The following L3MBTL4 variants were observed in gnomAD, a reference collection of about 807,000 sequenced individuals.
L3MBTL4 encodes lethal(3)malignant brain tumor-like protein 4.
L3MBTL4 carries 70 observed loss-of-function variants against 84.5 expected under a neutral mutation model. The ratio of observed to expected loss-of-function variants is 0.83; its 90% CI spans 0.68 to 1.01. L3MBTL4 has a LOEUF of 1.01. L3MBTL4 is among the 50% of genes least tolerant of loss of function. The pLI, the probability that L3MBTL4 is intolerant of heterozygous loss-of-function variation, is 0.00. For synonymous variants in L3MBTL4, 274 were observed against 259.8 expected (o/e 1.05, Z -0.52); for missense variants, 715 against 754.8 (o/e 0.95, Z 0.62).
intron 5 of L3MBTL4, among the ~76,000 whole-genome samples, chr18:6,245,588 CT>C (rs776011254): frequency 0.055 from 7,502 of 137,016 alleles, 562 homozygotes; most frequent in African/African-American, 0.18. Context: ...AGGTATTTTC[CT>C]TTTTTTTTTT....
rs747908314 is a variant in L3MBTL4, at chr18:6,311,610, T to C, written c.16A>G (p.Arg6Gly). MKQPNRKRKLNMDSKE... is the reference protein window; with the variant it reads MKQPNGKRKLNMDSKE... ...GAATCCATATTAAGCTTCCTTTTCC[T>C]GTTGGGCTGTTTCATTGCCACCCCC... Residue 6 changes from arginine (R) to glycine (G), a missense_variant, in exon 3 of 19, where the codon AGG (arginine) becomes GGG (glycine). Arg to Gly is a moderately radical substitution (Grantham distance 125). Transcript: ENST00000317931. 1 of 1,613,788 alleles carries C rather than the reference T, an allele frequency of 6.2e-7. No individual in the cohort carries two copies. Among genetic ancestry groups the C allele is most frequent in the Admixed American group, 1.7e-5 (1 of 60,016 alleles).
At chr18:6,413,396 T>C (rs1343229060) in intron 1 of L3MBTL4, among the ~76,000 whole-genome samples, 1 of 152,212 alleles carries the variant, frequency 6.6e-6, no homozygotes, top group Non-Finnish European at 1.5e-5. Flanking sequence ...CAAGTCAGTG[T>C]AGTCGAATCC....
intron 5 of L3MBTL4, among the ~76,000 whole-genome samples, chr18:6,246,643 C>G (rs148275968): frequency 1.3e-5 from 2 of 152,188 alleles, no homozygotes; most frequent in Non-Finnish European, 2.9e-5. Context: ...GTGGCTCATG[C>G]CTGTAATCCC....
At chr18:6,390,979 G>C (rs920518682) in intron 1 of L3MBTL4, among the ~76,000 whole-genome samples, 2 of 152,024 alleles carry the variant, frequency 1.3e-5, no homozygotes, top group Admixed American at 6.6e-5. Flanking sequence ...TAATTCATTT[G>C]ATGAAACCAG....
At chr18:6,247,123 G>A (rs2047698479) in intron 5 of L3MBTL4, among the ~76,000 whole-genome samples, 1 of 151,984 alleles carries the variant, frequency 6.6e-6, no homozygotes, top group Non-Finnish European at 1.5e-5. Flanking sequence ...CATTTTGAAG[G>A]CCCTTTACCC....
At chr18:6,078,439 C>CAAAAAAAAAAAAAAAAAAA in intron 16 of L3MBTL4, among the ~76,000 whole-genome samples, 1 of 43,770 alleles carries the variant, frequency 2.3e-5, no homozygotes, top group Non-Finnish European at 4.2e-5. Flanking sequence ...AAAAAAAAAA[C>CAAAAAAAAAAAAAAAAAAA]AAAAAAAAAA....
intron 16 of L3MBTL4, among the ~76,000 whole-genome samples, chr18:5,971,017 C>T (rs1477317412): frequency 1.3e-5 from 2 of 152,216 alleles, no homozygotes; most frequent in Non-Finnish European, 2.9e-5. Flanking sequence ...TCTTATGCTC[C>T]AGGTGCAAGC....
At chr18:6,145,412 C>A (rs1340601567) in intron 13 of L3MBTL4, among the ~76,000 whole-genome samples, 2 of 151,918 alleles carry the variant, frequency 1.3e-5, no homozygotes, top group Non-Finnish European at 2.9e-5. Flanking sequence ...ATAATGCTGA[C>A]CCTGAAGCAA....
chr18:6,050,161 T>C (rs1291222025), intron 16 of L3MBTL4, among the ~76,000 whole-genome samples: 5 of 152,138 alleles, frequency 3.3e-5, no homozygotes, highest in African/African-American at 1.2e-4. Flanking sequence ...TAAAGTGACA[T>C]AGTGACAATG....
intron 14 of L3MBTL4, among the ~76,000 whole-genome samples, chr18:6,134,693 T>C (rs1182468214): frequency 6.6e-6 from 1 of 152,256 alleles, no homozygotes; most frequent in Non-Finnish European, 1.5e-5. Flanking sequence ...GCCACGCTGA[T>C]GCAACAGGTG....
intron 1 of L3MBTL4, among the ~76,000 whole-genome samples, chr18:6,378,169 G>GT (rs1343988126): frequency 6.6e-6 from 1 of 152,052 alleles, no homozygotes; most frequent in Non-Finnish European, 1.5e-5. Flanking sequence ...GGGGTTGTTT[G>GT]TTTTTTTCTT....
intron 15 of L3MBTL4, among the ~76,000 whole-genome samples, chr18:6,090,077 G>A (rs775522155): frequency 9.2e-5 from 14 of 152,124 alleles, no homozygotes; most frequent in Non-Finnish European, 1.8e-4. Context: ...AAACTCAAGT[G>A]TAAGCTATTC....
At chr18:6,017,932 G>C (rs2055073304) in intron 16 of L3MBTL4, 1 of 152,258 alleles carries the variant, frequency 6.6e-6, no homozygotes, top group South Asian at 2.1e-4. Flanking sequence ...TGATTGTCTT[G>C]GAGTTGACTG....
At chr18:5,978,992 T>A (rs1164918952) in intron 16 of L3MBTL4, among the ~76,000 whole-genome samples, 1 of 152,186 alleles carries the variant, frequency 6.6e-6, no homozygotes, top group East Asian at 1.9e-4. Flanking sequence ...ATATTCTATT[T>A]GTTTTTGTAA....
At chr18:6,264,061 T>C in intron 4 of L3MBTL4, 23 bp from the exon 5 acceptor site, 1 of 1,542,552 alleles carries the variant, frequency 6.5e-7, no homozygotes, top group South Asian at 1.1e-5. Flanking sequence ...ACACAATGAC[T>C]TTTCTCAAAA....
At chr18:6,208,668 T>C (rs2045972373) in intron 12 of L3MBTL4, among the ~76,000 whole-genome samples, 1 of 152,230 alleles carries the variant, frequency 6.6e-6, no homozygotes, top group Admixed American at 6.5e-5. Context: ...TACTGTAATT[T>C]AATGTGCATT....
At chr18:6,161,819 T>C (rs916863205) in intron 13 of L3MBTL4, among the ~76,000 whole-genome samples, 1 of 152,148 alleles carries the variant, frequency 6.6e-6, no homozygotes, top group Admixed American at 6.6e-5. Flanking sequence ...TCATTTTTAC[T>C]CATCCATGGG....
At chr18:6,004,994 ATAATTTTT>A (rs2054396140) in intron 16 of L3MBTL4, among the ~76,000 whole-genome samples, 1 of 46,208 alleles carries the variant, frequency 2.2e-5, no homozygotes, top group African/African-American at 6.2e-5. Context: ...GGTTAAGATG[ATAATTTTT>A]TTTTTTTTTT....
chr18:6,182,388 C>T (rs1370136335), intron 12 of L3MBTL4, among the ~76,000 whole-genome samples: 1 of 152,078 alleles, frequency 6.6e-6, no homozygotes, highest in Non-Finnish European at 1.5e-5. Flanking sequence ...CATTTGCCCA[C>T]TTTTTAATGG....
Sources: gnomAD v4.1 joint callset for allele counts (sites outside exome capture counted in the v4.1 genomes callset) on GRCh38, gnomAD v4.1.1 for gene constraint, MANE v1.5 for transcripts, NCBI Gene and HGNC (gene_info 2026-07-23, HGNC 2026-07-21) for gene names.